Variants in DCC observed in about 807,000 individuals in gnomAD.
DCC encodes DCC netrin 1 receptor, also known as netrin receptor DCC.
A neutral mutation model predicts 172.5 loss-of-function variants in DCC; 58 were observed. The observed-to-expected ratio is 0.34, with a 90% confidence interval of 0.27 to 0.42. The LOEUF (loss-of-function observed/expected upper bound fraction) is 0.42. Ranked by LOEUF, DCC falls within the 10% of genes least tolerant of loss-of-function variation. The probability of loss-of-function intolerance (pLI) is 1.00; values close to 1 mark genes in which losing one functional copy is unlikely to be tolerated. For synonymous variants in DCC, 709 were observed against 644.5 expected (o/e 1.10, Z -1.52); for missense variants, 1,740 against 1,791.0 (o/e 0.97, Z 0.51).
chr18:53,275,979 CATAAAT>C (rs753724270), intron 12 of DCC, among the ~76,000 whole-genome samples: 14 of 152,090 alleles, frequency 9.2e-5, no homozygotes, highest in Non-Finnish European at 1.5e-4. Flanking sequence ...ATATGACTCT[CATAAAT>C]ATAAAATGAA....
intron 2 of DCC, among the ~76,000 whole-genome samples, chr18:52,905,829 G>T (rs2039874321): frequency 6.6e-6 from 1 of 152,150 alleles, no homozygotes; most frequent in Non-Finnish European, 1.5e-5. Context: ...AGCTTCTAGA[G>T]ATGAATGACA....
intron 2 of DCC, among the ~76,000 whole-genome samples, chr18:52,824,745 C>T (rs2038476961): frequency 6.6e-6 from 1 of 152,030 alleles, no homozygotes; most frequent in South Asian, 2.1e-4. Flanking sequence ...CTGAAGCAGG[C>T]AGATCACCTG....
chr18:52,941,227 T>C (rs2040456973), intron 5 of DCC: 1 of 152,144 alleles, frequency 6.6e-6, no homozygotes, highest in Admixed American at 6.5e-5. Flanking sequence ...GTAAATTTAC[T>C]GATGCTGTTC....
intron 1 of DCC, among the ~76,000 whole-genome samples, chr18:52,544,843 A>T (rs945135348): frequency 6.6e-6 from 1 of 152,212 alleles, no homozygotes. Context: ...TTGGCACAAC[A>T]GGTAGCAGGT....
rs117101175 is a variant in DCC at position 53,293,713 on chromosome 18, C to A, written c.1912-11865C>A. 6.2e-3 allele frequency among the ~76,000 whole-genome samples: 943 copies of A among 152,180 alleles called. 6 individuals are homozygous for A. The highest frequency in any genetic ancestry group is 0.024 in the Admixed American group (364 of 15,270). On this transcript the variant is annotated intron_variant, in intron 12 of 28. Transcript: ENST00000442544. ...TGTTTATGGTCCAGAATTAGCATGC[C>A]AGTTTGGGGCTACAGTTGAATTAAC...
chr18:53,447,484 G>A (rs1429767442), intron 22 of DCC, among the ~76,000 whole-genome samples: 2 of 152,130 alleles, frequency 1.3e-5, no homozygotes, highest in Non-Finnish European at 2.9e-5. Flanking sequence ...GTACTCAGCA[G>A]AATTCAGAGT....
intron 12 of DCC, among the ~76,000 whole-genome samples, chr18:53,255,023 T>A (rs1302914297): frequency 6.6e-6 from 1 of 151,930 alleles, no homozygotes; most frequent in Non-Finnish European, 1.5e-5. Context: ...GTTGACCCAC[T>A]CCTCTATTGG....
At position 53,090,698 on chromosome 18, in the gene DCC, C is replaced by CAAAAAAAAAAAAAAAAAAAAAAAAAAAAA. The variant is rs59898050; in HGVS notation, c.1261+24540_1261+24568dup. 6.6e-4 allele frequency among the ~76,000 whole-genome samples: 26 copies of CAAAAAAAAAAAAAAAAAAAAAAAAAAAAA among 39,360 alleles called. 3 individuals carry two copies. The highest frequency in any genetic ancestry group is 1.6e-3 in the East Asian group (4 of 2,570). The allele number at this position is 39,360 out of a possible 152,430, so 25.8% of individuals were successfully genotyped here. A position where few individuals can be genotyped will look rare whatever the true frequency, so the allele number is the denominator to read the frequency against. The stretch of plus-strand genomic sequence containing the variant: ...GACAGAGCGAAACTCCGTCCCCCAA[C>CAAAAAAAAAAAAAAAAAAAAAAAAAAAAA]AAAAAAAAAAAAAAAAAAAAAAAAA... On this transcript the variant is annotated intron_variant, in intron 7 of 28. Transcript: ENST00000442544.
intron 1 of DCC, among the ~76,000 whole-genome samples, chr18:52,366,355 A>G (rs1045279280): frequency 1.3e-5 from 2 of 152,182 alleles, no homozygotes; most frequent in Non-Finnish European, 2.9e-5. Context: ...CACAGTGTGC[A>G]AGGGGACCCG....
At chr18:53,464,703 G>A (rs532741211) in intron 24 of DCC, among the ~76,000 whole-genome samples, 2 of 151,650 alleles carry the variant, frequency 1.3e-5, no homozygotes, top group Non-Finnish European at 2.9e-5. Context: ...TGTTACCACC[G>A]GGAGCTGTGG....
At position 52,777,822 on chromosome 18, in the gene DCC, C is replaced by T. The variant is rs1167176599; in HGVS notation, c.412+25448C>T. ...GGGATGTTTGAGGGAGCAAATGAGG[C>T]GATTATAAAGGCAAATTTTTTTAAG... On this transcript the variant is annotated intron_variant, in intron 2 of 28. Coordinates refer to ENST00000442544, the MANE Select transcript of DCC (RefSeq NM_005215.4). 9.2e-5 allele frequency among the ~76,000 whole-genome samples: 14 copies of T among 151,520 alleles called. 1 individual carries two copies. Among genetic ancestry groups the T allele is most frequent in the South Asian group, 8.4e-4 (4 of 4,778 alleles).
In DCC at chr18:53,436,672, G is replaced by A. The variant is rs529993938; in HGVS notation, c.3229+1463G>A. 2.0e-5 allele frequency among the ~76,000 whole-genome samples: 3 copies of A among 152,222 alleles called. No homozygotes were observed. The South Asian group carries it at 6.2e-4, about 32-fold the overall frequency. On this transcript the variant is annotated intron_variant, in intron 22 of 28. Coordinates refer to ENST00000442544, the MANE Select transcript of DCC (RefSeq NM_005215.4). ...CTCTTGACTTATTTTTGAATTGCCTGGCAATACCTTCCTCTGTTATTAATG... is the reference window on the plus strand; with the variant it reads ...CTCTTGACTTATTTTTGAATTGCCTAGCAATACCTTCCTCTGTTATTAATG...
chr18:52,907,669 G>T (rs1185437807), intron 3 of DCC, among the ~76,000 whole-genome samples: 1 of 152,094 alleles, frequency 6.6e-6, no homozygotes, highest in Non-Finnish European at 1.5e-5. Flanking sequence ...GCCTGCCTCA[G>T]CCTCCGCCTC....
At chr18:52,921,783 A>C (rs1192126031) in intron 3 of DCC, among the ~76,000 whole-genome samples, 4 of 151,432 alleles carry the variant, frequency 2.6e-5, no homozygotes, top group Non-Finnish European at 5.9e-5. Context: ...AGCATCGTTG[A>C]TAGGTCCTAG....
At chr18:53,451,225 G>A (rs999824901) in intron 23 of DCC, among the ~76,000 whole-genome samples, 2 of 152,226 alleles carry the variant, frequency 1.3e-5, no homozygotes, top group African/African-American at 4.8e-5. Context: ...GTGGTTAATT[G>A]TCAGAAATTA....
At chr18:52,521,812 C>G (rs921015665) in intron 1 of DCC, among the ~76,000 whole-genome samples, 1 of 152,104 alleles carries the variant, frequency 6.6e-6, no homozygotes, top group Non-Finnish European at 1.5e-5. Flanking sequence ...TGACATAAAA[C>G]TTCATATTGA....
intron 1 of DCC, among the ~76,000 whole-genome samples, chr18:52,414,588 A>T (rs1305935081): frequency 6.6e-6 from 1 of 152,126 alleles, no homozygotes; most frequent in Non-Finnish European, 1.5e-5. Context: ...GAGAACAGAG[A>T]TGTGCATTAA....
At chr18:53,185,234 C>G (rs926377843) in intron 9 of DCC, among the ~76,000 whole-genome samples, 7 of 152,016 alleles carry the variant, frequency 4.6e-5, no homozygotes, top group Admixed American at 2.6e-4. Context: ...ATTTAATGGT[C>G]AATTAGGCTA....
At chr18:52,482,842 C>T (rs2030024553) in intron 1 of DCC, among the ~76,000 whole-genome samples, 1 of 152,136 alleles carries the variant, frequency 6.6e-6, no homozygotes, top group Admixed American at 6.6e-5. Flanking sequence ...CTCTTTACCC[C>T]TTTCGTATGT....
Sources: allele counts gnomAD v4.1 joint callset (sites outside exome capture counted in the v4.1 genomes callset), GRCh38; gene constraint gnomAD v4.1.1; transcripts MANE v1.5; gene names NCBI Gene and HGNC (gene_info 2026-07-23, HGNC 2026-07-21).